Variants in NR2F1-AS1 observed in about 807,000 individuals in gnomAD.
NR2F1-AS1 encodes the protein NR2F1 antisense RNA 1.
At chr5:93,495,388 T>G (rs1750937998) in intron 4 of NR2F1-AS1, among the ~76,000 whole-genome samples, 2 of 152,146 alleles carry the variant, frequency 1.3e-5, no homozygotes, top group Non-Finnish European at 2.9e-5. Flanking sequence ...AAATCTAGCA[T>G]TAAATTACAA....
intron 4 of NR2F1-AS1, among the ~76,000 whole-genome samples, chr5:93,426,359 A>T (rs1749195562): frequency 6.6e-6 from 1 of 152,040 alleles, no homozygotes; most frequent in African/African-American, 2.4e-5. Flanking sequence ...ACCTCATCTC[A>T]TTTGAAGGGC....
chr5:93,562,636 A>G (rs1752519101), intron 2 of NR2F1-AS1, among the ~76,000 whole-genome samples: 1 of 152,336 alleles, frequency 6.6e-6, no homozygotes. Flanking sequence ...GCAAGGAAAA[A>G]TTAAATATAT....
At chr5:93,541,863 C>A (rs960524095) in intron 4 of NR2F1-AS1, 4 of 151,764 alleles carry the variant, frequency 2.6e-5, no homozygotes, top group Non-Finnish European at 5.9e-5. Context: ...CAAAAAAAAA[C>A]TCAGCAAACA....
chr5:93,536,951 G>A (rs1349863341), intron 4 of NR2F1-AS1, among the ~76,000 whole-genome samples: 1 of 152,146 alleles, frequency 6.6e-6, no homozygotes, highest in Non-Finnish European at 1.5e-5. Flanking sequence ...GAGTTTCTCT[G>A]CACAAGCTCT....
At chr5:93,483,941 T>C (rs919310590) in intron 4 of NR2F1-AS1, among the ~76,000 whole-genome samples, 2 of 152,016 alleles carry the variant, frequency 1.3e-5, no homozygotes. Flanking sequence ...CCAAGAAATA[T>C]GGGACTATGT....
intron 4 of NR2F1-AS1, among the ~76,000 whole-genome samples, chr5:93,429,468 T>C (rs1749265523): frequency 6.6e-6 from 1 of 152,220 alleles, no homozygotes; most frequent in Non-Finnish European, 1.5e-5. Flanking sequence ...TGTGACAATC[T>C]GCAGCAAGTC....
intron 4 of NR2F1-AS1, among the ~76,000 whole-genome samples, chr5:93,491,262 G>A (rs1750842401): frequency 6.6e-6 from 1 of 151,404 alleles, no homozygotes; most frequent in Non-Finnish European, 1.5e-5. Context: ...GGTCGTGGTG[G>A]TGGTGGTGGT....
At position 93,495,062 on chromosome 5, in the gene NR2F1-AS1, T is replaced by C. The variant is rs370756980; in HGVS notation, n.638+58699A>G. ...AATTCCTTCTACATGACAAAAAAAA[T>C]CCAAGATAGAATCAGCATTTATTAT... On this transcript the variant is annotated intron_variant and non_coding_transcript_variant, in intron 4 of 5. Transcript: ENST00000660523. 1.6e-4 allele frequency among the ~76,000 whole-genome samples: 24 copies of C among 152,144 alleles called. No homozygotes were observed. In the East Asian group the frequency reaches 1.9e-3, roughly 12 times the overall value.
intron 4 of NR2F1-AS1, among the ~76,000 whole-genome samples, chr5:93,518,128 A>C (rs1751433787): frequency 6.6e-6 from 1 of 152,066 alleles, no homozygotes; most frequent in South Asian, 2.1e-4. Context: ...ATTATTCAAA[A>C]GACCTCCACA....
chr5:93,425,633 G>A (rs1046619362), intron 4 of NR2F1-AS1, among the ~76,000 whole-genome samples: 4 of 152,072 alleles, frequency 2.6e-5, no homozygotes, highest in Non-Finnish European at 4.4e-5. Flanking sequence ...CACTTAAAAC[G>A]AACTCTCAAC....
chr5:93,420,990 A>G (rs1307365117), intron 4 of NR2F1-AS1, among the ~76,000 whole-genome samples: 1 of 152,180 alleles, frequency 6.6e-6, no homozygotes, highest in African/African-American at 2.4e-5. Context: ...TATTATCCAA[A>G]ATCATGCTTC....
At chr5:93,572,375 A>G (rs1351505943) in intron 1 of NR2F1-AS1, among the ~76,000 whole-genome samples, 2 of 152,166 alleles carry the variant, frequency 1.3e-5, no homozygotes, top group African/African-American at 4.8e-5. Flanking sequence ...GCTTGTGGGT[A>G]TCCAGCCCCA....
chr5:93,528,150 A>C (rs574743440), intron 4 of NR2F1-AS1, among the ~76,000 whole-genome samples: 1 of 152,336 alleles, frequency 6.6e-6, no homozygotes, highest in East Asian at 1.9e-4. Context: ...AAACAAATTT[A>C]CAAGAAAAAA....
chr5:93,515,733 G>T (rs773355750), intron 4 of NR2F1-AS1, among the ~76,000 whole-genome samples: 7 of 151,704 alleles, frequency 4.6e-5, no homozygotes, highest in African/African-American at 1.7e-4. Context: ...AGTATAAATT[G>T]GGCCTTAATA....
At chr5:93,446,039 C>T (rs7737653) in intron 4 of NR2F1-AS1, among the ~76,000 whole-genome samples, 3,313 of 152,022 alleles carry the variant, frequency 0.022, 110 homozygotes, top group African/African-American at 0.075. Flanking sequence ...TAGGTATTGA[C>T]GGGACGTACA....
chr5:93,514,015 T>G (rs31465), intron 4 of NR2F1-AS1, among the ~76,000 whole-genome samples: 64,343 of 151,854 alleles, frequency 0.42, 16,035 homozygotes, highest in East Asian at 0.59. Context: ...TTGACCCTCA[T>G]GAGAACACCA....
intron 4 of NR2F1-AS1, among the ~76,000 whole-genome samples, chr5:93,415,979 C>T (rs1748959874): frequency 6.6e-6 from 1 of 152,146 alleles, no homozygotes; most frequent in Admixed American, 6.6e-5. Context: ...AAGTGGTGCC[C>T]ATTTGCCAGT....
At chr5:93,451,323 A>T (rs1181553537) in intron 4 of NR2F1-AS1, among the ~76,000 whole-genome samples, 1 of 149,704 alleles carries the variant, frequency 6.7e-6, no homozygotes, top group East Asian at 1.9e-4. Context: ...GGTTTTTGAA[A>T]AAAAAAAAAA....
chr5:93,488,677 G>A (rs1207124744), intron 4 of NR2F1-AS1, among the ~76,000 whole-genome samples: 1 of 152,208 alleles, frequency 6.6e-6, no homozygotes, highest in African/African-American at 2.4e-5. Flanking sequence ...AACCATTGTG[G>A]AGGACAGTGT....
Sources: allele counts gnomAD v4.1 joint callset (sites outside exome capture counted in the v4.1 genomes callset), GRCh38; gene constraint gnomAD v4.1.1; transcripts MANE v1.5; gene names NCBI Gene and HGNC (gene_info 2026-07-23, HGNC 2026-07-21).